DZANK1: variants seen among roughly 807,000 people sequenced by gnomAD.
The protein encoded by DZANK1 is double zinc ribbon and ankyrin repeat-containing protein 1.
A neutral mutation model predicts 94.5 loss-of-function variants in DZANK1; 91 were observed. The ratio of observed to expected loss-of-function variants is 0.96; its 90% CI spans 0.81 to 1.15. The LOEUF is 1.15. Ranked by LOEUF, DZANK1 falls within the 50% of genes most tolerant of loss-of-function variation. DZANK1 has a pLI of 0.00. For missense variants in DZANK1, 903 were observed against 916.4 expected, an observed-to-expected ratio of 0.99 and a Z score of 0.19; for synonymous variants, 312 against 325.3, an observed-to-expected ratio of 0.96 and a Z score of 0.44.
chr20:18,446,469 CA>C (rs1408474297), intron 7 of DZANK1, among the ~76,000 whole-genome samples: 2 of 152,096 alleles, frequency 1.3e-5, no homozygotes, highest in African/African-American at 2.4e-5. Flanking sequence ...CACAACATAT[CA>C]AAATTCAGAG....
intron 16 of DZANK1, 83 bp downstream of exon 16, chr20:18,394,171 C>T (rs1762633615): frequency 1.7e-6 from 2 of 1,211,342 alleles, no homozygotes; most frequent in Non-Finnish European, 2.4e-6. Flanking sequence ...GGCTGTCAAA[C>T]TCTTAGCAGT....
rs761775465 is a variant in DZANK1 at position 18,415,376 on chromosome 20, C to T, written c.1028G>A (p.Gly343Asp). 86 of 1,595,550 alleles carry T rather than the reference C, an allele frequency of 5.4e-5. No homozygotes were observed. Among genetic ancestry groups the T allele is most frequent in the Non-Finnish European group, 7.1e-5 (83 of 1,170,536 alleles). ...GGACGCCTCCCAGAGATTCCAGCGA[C>T]CACATCTGTAGCAGGAAATGGTCCC... is the stretch of plus-strand genomic sequence containing the variant. The change falls in exon 11 of 21, where the codon GGT becomes GAT. Residue 343 changes from glycine to aspartate, a missense_variant. Gly to Asp is a moderately conservative substitution (Grantham distance 94, BLOSUM62 -1). Coordinates refer to ENST00000262547, the Ensembl canonical transcript of DZANK1.
intron 10 of DZANK1, among the ~76,000 whole-genome samples, chr20:18,418,717 G>T (rs1211383611): frequency 6.6e-6 from 1 of 152,154 alleles, no homozygotes; most frequent in Non-Finnish European, 1.5e-5. Flanking sequence ...TGAATCAGAT[G>T]TTGAAAGAAG....
At chr20:18,417,034 C>CCAA (rs71835107) in intron 10 of DZANK1, among the ~76,000 whole-genome samples, 1 of 139,930 alleles carries the variant, frequency 7.1e-6, no homozygotes, top group Non-Finnish European at 1.5e-5. Context: ...CAAAAAAAAA[C>CCAA]AAAAAAAAAA....
intron 8 of DZANK1, among the ~76,000 whole-genome samples, chr20:18,436,763 C>T (rs992080091): frequency 1.3e-5 from 2 of 152,128 alleles, no homozygotes; most frequent in African/African-American, 4.8e-5. Flanking sequence ...AAGAGACCCA[C>T]ACTTAAACAC....
At chr20:18,399,358 T>C (rs781196757) in intron 13 of DZANK1, among the ~76,000 whole-genome samples, 1 of 152,112 alleles carries the variant, frequency 6.6e-6, no homozygotes. Flanking sequence ...GCCACCCACG[T>C]AGCTGGAAAT....
At chr20:18,427,606 G>T (rs971789525) in intron 9 of DZANK1, among the ~76,000 whole-genome samples, 63 of 148,792 alleles carry the variant, frequency 4.2e-4, no homozygotes, top group Admixed American at 3.4e-3. Context: ...TGTAAGGTTG[G>T]GTGTGTGTGT....
intron 6 of DZANK1, among the ~76,000 whole-genome samples, chr20:18,449,902 A>AAT (rs1404073740): frequency 2.0e-5 from 3 of 151,342 alleles, no homozygotes; most frequent in Non-Finnish European, 4.4e-5. Flanking sequence ...AACATGGAGA[A>AAT]ACCCCGTCTC....
rs2059186642 is a variant in DZANK1, at chr20:18,453,726, C to T, written c.475+5G>A. 1 of 1,600,220 alleles carries T rather than the reference C, an allele frequency of 6.2e-7. No homozygotes were observed. Among genetic ancestry groups the T allele is most frequent in the Non-Finnish European group, 8.6e-7 (1 of 1,168,538 alleles). ...AAACCTTGTCTTTGTTCTGTCACAT[C>T]ATACCTGGAAACTTTCTAAGGTTAA... On this transcript the variant is annotated splice_donor_5th_base_variant and intron_variant, in intron 5 of 20. Coordinates refer to ENST00000262547, the Ensembl canonical transcript of DZANK1.
At chr20:18,410,274 A>C (rs902008548) in intron 13 of DZANK1, among the ~76,000 whole-genome samples, 1 of 152,190 alleles carries the variant, frequency 6.6e-6, no homozygotes, top group African/African-American at 2.4e-5. Context: ...TTAGAAAATA[A>C]TGCCACAAAA....
Position 18,465,241 on chromosome 20 carries a change from G to T in DZANK1, c.109+9C>A, listed in dbSNP as rs1477461054. On this transcript the variant is annotated intron_variant, in intron 2 of 20. Transcript: ENST00000262547. ...ATTTTAAACAATTTCAAACATATGT[G>T]ATTCTTACCTGATTTCATTTCCAAA... is the stretch of plus-strand genomic sequence containing the variant. The T allele has an allele frequency of 6.6e-7, 1 of 1,524,476 alleles. No homozygotes were observed. The allele number at this position is 1,524,476 out of a possible 1,614,324, so 94.4% of individuals were successfully genotyped here. A position where few individuals can be genotyped will look rare whatever the true frequency, so the allele number is the denominator to read the frequency against.
In DZANK1 at chr20:18,412,556, A is replaced by G; in HGVS notation, c.1432+90T>C. ...AGAAACTTACTTCTTACACATACAA[A>G]TAAATCTAAAAGGAAGAGAAAATGA... is the stretch of plus-strand genomic sequence containing the variant. On this transcript the variant is annotated intron_variant, in intron 13 of 20. Coordinates refer to ENST00000262547, the Ensembl canonical transcript of DZANK1. 5 of 1,328,000 alleles carry G rather than the reference A, an allele frequency of 3.8e-6. No homozygotes were observed. In the Admixed American group the frequency reaches 9.7e-5, roughly 26 times the overall value. The allele number at this position is 1,328,000 out of a possible 1,614,324, so 82.3% of individuals were successfully genotyped here.
At chr20:18,421,950 C>T (rs867222810) in intron 10 of DZANK1, among the ~76,000 whole-genome samples, 21 of 152,190 alleles carry the variant, frequency 1.4e-4, no homozygotes, top group Non-Finnish European at 4.4e-5. Context: ...CTTATATGTA[C>T]TGGATATTAA....
At chr20:18,419,349 G>C (rs1350655834) in intron 10 of DZANK1, among the ~76,000 whole-genome samples, 2 of 151,944 alleles carry the variant, frequency 1.3e-5, no homozygotes, top group East Asian at 3.9e-4. Flanking sequence ...ACTTCCAGAC[G>C]GAGAGTAGAA....
At chr20:18,451,578 T>C (rs2059103276) in intron 6 of DZANK1, among the ~76,000 whole-genome samples, 2 of 152,154 alleles carry the variant, frequency 1.3e-5, no homozygotes, top group South Asian at 4.1e-4. Flanking sequence ...TCTAAGTACA[T>C]ATGTCCAGCT....
chr20:18,408,996 A>G (rs902430206), intron 13 of DZANK1, among the ~76,000 whole-genome samples: 2 of 152,204 alleles, frequency 1.3e-5, no homozygotes, highest in Non-Finnish European at 2.9e-5. Flanking sequence ...GAAAAAACAA[A>G]AAGTTAAAAA....
intron 3 of DZANK1, among the ~76,000 whole-genome samples, chr20:18,457,921 G>A (rs1255104491): frequency 1.3e-5 from 2 of 152,124 alleles, no homozygotes; most frequent in East Asian, 1.9e-4. Flanking sequence ...TCATGACCAC[G>A]CTTGGCGAAT....
chr20:18,393,856 C>T (rs760372376), intron 16 of DZANK1, 45 bp from the exon 17 acceptor site: 1 of 1,246,968 alleles, frequency 8.0e-7, no homozygotes, highest in Admixed American at 1.8e-5. Flanking sequence ...CCTCCCCCAA[C>T]TCCCCACACA....
At chr20:18,445,142 A>G (rs2058834327) in intron 7 of DZANK1, among the ~76,000 whole-genome samples, 1 of 152,166 alleles carries the variant, frequency 6.6e-6, no homozygotes, top group African/African-American at 2.4e-5. Flanking sequence ...AAATAGATTC[A>G]ATAAAGGGAG....
Sources: allele counts gnomAD v4.1 joint callset (sites outside exome capture counted in the v4.1 genomes callset), GRCh38; gene constraint gnomAD v4.1.1; transcripts MANE v1.5; gene names NCBI Gene and HGNC (gene_info 2026-07-23, HGNC 2026-07-21).